Variants in GLI2 observed in about 807,000 individuals in gnomAD.
GLI2 encodes the protein transcription activator GLI2.
GLI2 carries 22 observed loss-of-function variants against 78.9 expected under a neutral mutation model. The observed-to-expected ratio is 0.28, with a 90% CI of 0.20 to 0.40. The LOEUF is 0.40. Ranked by LOEUF, GLI2 falls within the 10% of genes least tolerant of loss-of-function variation. GLI2 has a pLI of 1.00. For synonymous variants in GLI2, 974 were observed against 963.7 expected (o/e 1.01, Z -0.20); for missense variants, 2,097 against 2,213.2 (o/e 0.95, Z 1.05).
chr2:120,815,405 G>A (rs571096957), intron 2 of GLI2, among the ~76,000 whole-genome samples: 3 of 152,266 alleles, frequency 2.0e-5, no homozygotes, highest in East Asian at 3.9e-4. Context: ...AGTTGGGGGC[G>A]GAAGTGAGAG....
chr2:120,870,671 G>A (rs1046369917), intron 2 of GLI2, among the ~76,000 whole-genome samples: 4 of 152,154 alleles, frequency 2.6e-5, no homozygotes, highest in African/African-American at 4.8e-5. Flanking sequence ...AAGTGACCGC[G>A]CCATGTGCCA....
At chr2:120,832,535 C>T (rs1405510792) in intron 2 of GLI2, among the ~76,000 whole-genome samples, 2 of 152,146 alleles carry the variant, frequency 1.3e-5, no homozygotes, top group Non-Finnish European at 2.9e-5. Flanking sequence ...TCTAGGCACA[C>T]TCGGGCCCTT....
At chr2:120,950,481 T>C (rs1252955412) in intron 3 of GLI2, among the ~76,000 whole-genome samples, 1 of 152,150 alleles carries the variant, frequency 6.6e-6, no homozygotes, top group East Asian at 1.9e-4. Flanking sequence ...ATGGATTCCA[T>C]GACTCTTGGT....
At position 120,754,364 on chromosome 2, in the gene GLI2, A is replaced by G. The variant is rs367809420; in HGVS notation, c.-31+18079A>G. ...AAAGTTTGACTCGTGTGTGCAAACCATCACCATAATCAAGATAATGGACAT... is the reference window on the plus strand; with the variant it reads ...AAAGTTTGACTCGTGTGTGCAAACCGTCACCATAATCAAGATAATGGACAT... On this transcript the variant is annotated intron_variant, in intron 1 of 13. Coordinates refer to ENST00000361492, the MANE Select transcript of GLI2 (RefSeq NM_001374353.1). 6.6e-5 allele frequency among the ~76,000 whole-genome samples: 10 copies of G among 152,242 alleles called. No homozygotes were observed. In the East Asian group the frequency reaches 1.7e-3, roughly 26 times the overall value.
intron 2 of GLI2, among the ~76,000 whole-genome samples, chr2:120,888,217 G>A (rs1054777305): frequency 2.6e-5 from 4 of 152,258 alleles, no homozygotes; most frequent in Non-Finnish European, 5.9e-5. Flanking sequence ...TGGGGCAAGG[G>A]CAGCTGTTTC....
At chr2:120,931,447 C>T (rs2104884145) in intron 3 of GLI2, among the ~76,000 whole-genome samples, 1 of 152,300 alleles carries the variant, frequency 6.6e-6, no homozygotes, top group East Asian at 1.9e-4. Flanking sequence ...TTAAAGTAGT[C>T]ATGTCTCTTA....
chr2:120,968,512 T>C (rs1270678255), intron 5 of GLI2, among the ~76,000 whole-genome samples: 1 of 152,202 alleles, frequency 6.6e-6, no homozygotes, highest in Non-Finnish European at 1.5e-5. Flanking sequence ...CACCACACCC[T>C]GCGCTGCTCA....
chr2:120,823,138 C>T (rs1573433997), intron 2 of GLI2, among the ~76,000 whole-genome samples: 2 of 152,280 alleles, frequency 1.3e-5, no homozygotes, highest in East Asian at 1.9e-4. Context: ...ATGCAGCGGC[C>T]GCACACCGTC....
At chr2:120,928,894 C>T (rs906414660) in intron 3 of GLI2, among the ~76,000 whole-genome samples, 5 of 152,236 alleles carry the variant, frequency 3.3e-5, no homozygotes, top group African/African-American at 9.6e-5. Context: ...TGACAGAATG[C>T]TCTTCACTCA....
At chr2:120,824,435 C>T (rs544542361) in intron 2 of GLI2, among the ~76,000 whole-genome samples, 1 of 152,362 alleles carries the variant, frequency 6.6e-6, no homozygotes, top group East Asian at 1.9e-4. Context: ...CTCGCCACCC[C>T]GGGAAGCTGC....
chr2:120,986,218 C>G, intron 12 of GLI2, 60 bp from the exon 13 acceptor site: 1 of 1,490,330 alleles, frequency 6.7e-7, no homozygotes, highest in East Asian at 2.3e-5. Context: ...GGCCTAGAGG[C>G]AGGACCAGGT....
intron 2 of GLI2, among the ~76,000 whole-genome samples, chr2:120,830,261 C>A (rs976203508): frequency 6.6e-6 from 1 of 152,202 alleles, no homozygotes; most frequent in Non-Finnish European, 1.5e-5. Context: ...CCTCCTTGCC[C>A]TCCTGTTTGT....
At chr2:120,770,544 G>A (rs1263889135) in intron 1 of GLI2, among the ~76,000 whole-genome samples, 1 of 152,200 alleles carries the variant, frequency 6.6e-6, no homozygotes, top group African/African-American at 2.4e-5. Flanking sequence ...TGGGATTTGG[G>A]CTGCCATTGC....
intron 8 of GLI2, chr2:120,972,664 G>A (rs763783683): frequency 3.9e-6 from 2 of 518,968 alleles, no homozygotes; most frequent in Non-Finnish European, 7.7e-6. Context: ...TGCCACCAGG[G>A]TTTGTGCAAG....
chr2:120,786,664 G>A (rs1046954454), intron 1 of GLI2, among the ~76,000 whole-genome samples: 3 of 152,204 alleles, frequency 2.0e-5, no homozygotes, highest in African/African-American at 7.2e-5. Flanking sequence ...CTCTCAAGGG[G>A]TTTACAATGT....
chr2:120,776,935 C>A (rs996481530), intron 1 of GLI2, among the ~76,000 whole-genome samples: 1 of 152,200 alleles, frequency 6.6e-6, no homozygotes, highest in South Asian at 2.1e-4. Context: ...CTGCAAACTC[C>A]CTCCTCTCAC....
intron 2 of GLI2, among the ~76,000 whole-genome samples, chr2:120,825,126 C>T (rs1426837397): frequency 6.6e-6 from 1 of 152,106 alleles, no homozygotes; most frequent in Non-Finnish European, 1.5e-5. Flanking sequence ...GTGCCTGGCC[C>T]CCATGATATT....
chr2:120,959,398 A>G (rs955945532), intron 5 of GLI2, among the ~76,000 whole-genome samples: 4 of 152,174 alleles, frequency 2.6e-5, no homozygotes, highest in African/African-American at 9.7e-5. Flanking sequence ...TCAGGAGCAG[A>G]TGCCTTCTTT....
At chr2:120,754,165 G>A (rs1682970069) in intron 1 of GLI2, among the ~76,000 whole-genome samples, 1 of 151,952 alleles carries the variant, frequency 6.6e-6, no homozygotes, top group African/African-American at 2.4e-5. Context: ...ACAGATATTG[G>A]TAAATCACTT....
Sources: gnomAD v4.1 joint callset for allele counts (sites outside exome capture counted in the v4.1 genomes callset) on GRCh38, gnomAD v4.1.1 for gene constraint, MANE v1.5 for transcripts, NCBI Gene and HGNC (gene_info 2026-07-23, HGNC 2026-07-21) for gene names.